Variants in JAK1 observed in about 807,000 individuals in gnomAD.
JAK1 encodes the protein tyrosine-protein kinase JAK1.
Under a neutral mutation model 136.6 loss-of-function variants are expected in JAK1, and 16 were observed. The observed-to-expected ratio is 0.12, with a 90% CI of 0.08 to 0.18. JAK1 has a LOEUF of 0.18. JAK1 is among the 10% of genes least tolerant of loss of function. The pLI is 1.00. For synonymous variants in JAK1, 492 were observed against 519.5 expected (o/e 0.95, Z 0.72); for missense variants, 859 against 1,450.1 (o/e 0.59, Z 6.62).
At chr1:64,868,439 TATAAC>T (rs1253326069) in intron 6 of JAK1, among the ~76,000 whole-genome samples, 1 of 152,180 alleles carries the variant, frequency 6.6e-6, no homozygotes, top group East Asian at 1.9e-4. Context: ...ATTAATGTAA[TATAAC>T]AGAATTAGAG....
chr1:65,041,104 G>A (rs548858691), intron 2 of JAK1, among the ~76,000 whole-genome samples: 32 of 152,296 alleles, frequency 2.1e-4, no homozygotes, highest in African/African-American at 7.7e-4. Flanking sequence ...GGCAGGCAGA[G>A]CTGGACTGCT....
Position 64,844,643 on chromosome 1 carries a change from T to C in JAK1, c.2251+111A>G. ...TGGTGAAACCCCGTCTCTACTAAAA[T>C]ACAAAAAAAAAATGACTCTCTAAAA... On this transcript the variant is annotated intron_variant, in intron 16 of 24. Transcript: ENST00000342505. This position sits in a 1 kb window ranked among gnomAD's most constrained non-coding sequence, Gnocchi z 5.7. 1.5e-6 allele frequency: 2 copies of C among 1,304,962 alleles called. No homozygotes were observed. Among genetic ancestry groups the C allele is most frequent in the South Asian group, 2.6e-5 (2 of 77,896 alleles). The allele number at this position is 1,304,962 out of a possible 1,614,324, so 80.8% of individuals were successfully genotyped here.
chr1:64,970,889 AC>A (rs1557736263), upstream of JAK1, among the ~76,000 whole-genome samples: 3 of 152,214 alleles, frequency 2.0e-5, no homozygotes, highest in Admixed American at 6.5e-5. Flanking sequence ...ATTTAATTAA[AC>A]CAAATGCAGT....
chr1:64,865,064 C>CCTGCA, intron 7 of JAK1, 92 bp from the exon 8 acceptor site: 3 of 1,006,898 alleles, frequency 3.0e-6, no homozygotes, highest in Non-Finnish European at 4.4e-6. Context: ...TATGCAGGGC[C>CCTGCA]TAGGTCCAAG....
At chr1:65,033,551 C>T (rs520179) in intron 2 of JAK1, among the ~76,000 whole-genome samples, 8,450 of 151,884 alleles carry the variant, frequency 0.056, 530 homozygotes, top group East Asian at 0.34. Context: ...TATCTGATTT[C>T]ATGAACAAAT....
intron 2 of JAK1, among the ~76,000 whole-genome samples, chr1:65,012,703 A>C (rs1646859043): frequency 6.6e-6 from 1 of 151,298 alleles, no homozygotes; most frequent in Admixed American, 6.6e-5. Context: ...GAGGCAGGAG[A>C]ATCACTTGAA....
chr1:64,989,090 G>T (rs1057390375), intron 2 of JAK1, among the ~76,000 whole-genome samples: 3 of 147,644 alleles, frequency 2.0e-5, no homozygotes, highest in African/African-American at 4.9e-5. Flanking sequence ...ACTTTGGGAG[G>T]CCAAGGTGGG....
rs142030096 is a variant in JAK1, at chr1:64,893,726, C to T, written c.-77-7385G>A. Among the ~76,000 whole-genome samples, 248 of 152,292 alleles carry T rather than the reference C, an allele frequency of 1.6e-3. 1 individual carries two copies. Among genetic ancestry groups the T allele is most frequent in the Non-Finnish European group, 2.9e-3 (194 of 68,026 alleles). ...AAAAAAGAAACAAATAAAACAAACC[C>T]TAACTTATAAAAGTTTGAAACCATT... On this transcript the variant is annotated intron_variant, in intron 1 of 24. Transcript: ENST00000342505.
At chr1:64,847,922 T>TA (rs1655341427) in intron 12 of JAK1, 1 of 487,404 alleles carries the variant, frequency 2.1e-6, no homozygotes, top group East Asian at 3.4e-5. Flanking sequence ...CCTTGCTTTC[T>TA]ACCCCTAGGA....
At chr1:64,856,170 A>T (rs1655918190) in intron 10 of JAK1, among the ~76,000 whole-genome samples, 1 of 152,192 alleles carries the variant, frequency 6.6e-6, no homozygotes, top group Non-Finnish European at 1.5e-5. Context: ...CCATGTCTCC[A>T]CTTGAGGAAA....
chr1:64,997,149 A>G (rs1308741613), intron 2 of JAK1, among the ~76,000 whole-genome samples: 2 of 152,232 alleles, frequency 1.3e-5, no homozygotes, highest in African/African-American at 4.8e-5. Context: ...TAATCTCTGA[A>G]TGAAGGTAAC....
chr1:64,888,982 T>TG (rs1644894436), intron 1 of JAK1, among the ~76,000 whole-genome samples: 1 of 152,236 alleles, frequency 6.6e-6, no homozygotes, highest in South Asian at 2.1e-4. Flanking sequence ...CTAAGGCTGC[T>TG]GATCCACTTT....
chr1:64,868,664 A>C (rs1376006222), intron 6 of JAK1, among the ~76,000 whole-genome samples: 1 of 152,206 alleles, frequency 6.6e-6, no homozygotes, highest in Non-Finnish European at 1.5e-5. Context: ...CGCCTATCAC[A>C]AACAATGCAG....
At chr1:64,990,235 G>A (rs796747973) in intron 2 of JAK1, 5 of 152,308 alleles carry the variant, frequency 3.3e-5, no homozygotes, top group African/African-American at 1.2e-4. Flanking sequence ...TTGAACCTGG[G>A]AGATTGCAGT....
At chr1:64,849,662 G>A (rs141239517) in intron 12 of JAK1, among the ~76,000 whole-genome samples, 11 of 152,388 alleles carry the variant, frequency 7.2e-5, no homozygotes, top group African/African-American at 2.2e-4. Context: ...AGCAGCAATC[G>A]TGCCTCGCAC....
At chr1:64,985,729 C>T in intron 2 of JAK1, 1 of 686,118 alleles carries the variant, frequency 1.5e-6, no homozygotes, top group African/African-American at 1.8e-5. Flanking sequence ...ACCAAGTAGG[C>T]CAGGATCAGT....
At chr1:64,851,000 G>A (rs935518357) in intron 11 of JAK1, 90 bp from the exon 12 acceptor site, 17 of 829,508 alleles carry the variant, frequency 2.0e-5, no homozygotes, top group African/African-American at 1.0e-4. Context: ...CCGTGGGACC[G>A]GTGTGCGGGC....
intron 2 of JAK1, among the ~76,000 whole-genome samples, chr1:64,982,132 A>G (rs1373776321): frequency 6.7e-6 from 1 of 149,210 alleles, no homozygotes; most frequent in Non-Finnish European, 1.5e-5. Flanking sequence ...ACGCACACAC[A>G]CACACATACA....
chr1:64,943,980 T>C (rs1645935645), intron 1 of JAK1, among the ~76,000 whole-genome samples: 1 of 151,828 alleles, frequency 6.6e-6, no homozygotes, highest in Non-Finnish European at 1.5e-5. Context: ...CCCAGCACTT[T>C]GGGAGGCCGA....
Sources: allele counts gnomAD v4.1 joint callset (sites outside exome capture counted in the v4.1 genomes callset), GRCh38; gene constraint gnomAD v4.1.1; non-coding constraint Gnocchi (gnomAD v3.1); transcripts MANE v1.5; gene names NCBI Gene and HGNC (gene_info 2026-07-23, HGNC 2026-07-21).